SOX5: variants seen among roughly 807,000 people sequenced by gnomAD.
SOX5 encodes the protein SRY-box transcription factor 5, also known as transcription factor SOX-5.
In SOX5, 9 loss-of-function variants were observed where a neutral mutation model predicts 92.0. The ratio of observed to expected loss-of-function variants is 0.10; its 90% CI spans 0.06 to 0.17. The LOEUF (loss-of-function observed/expected upper bound fraction) is 0.17. Ranked by LOEUF, SOX5 falls within the 10% of genes least tolerant of loss-of-function variation. The probability of loss-of-function intolerance (pLI) is 1.00; values close to 1 mark genes in which losing one functional copy is unlikely to be tolerated. For synonymous variants in SOX5, 344 were observed against 336.3 expected (o/e 1.02, Z -0.25); for missense variants, 642 against 944.5 (o/e 0.68, Z 4.20).
At chr12:24,449,944 T>C (rs1440535641) in intron 1 of SOX5, among the ~76,000 whole-genome samples, 1 of 152,174 alleles carries the variant, frequency 6.6e-6, no homozygotes, top group Non-Finnish European at 1.5e-5. Flanking sequence ...GAAAGTATTA[T>C]CATCCATGAA....
chr12:24,560,072 A>G (rs1020911080), intron 1 of SOX5, among the ~76,000 whole-genome samples: 1 of 152,110 alleles, frequency 6.6e-6, no homozygotes, highest in Non-Finnish European at 1.5e-5. Context: ...GATCAATACT[A>G]CCCACTCAAA....
chr12:24,184,085 G>C (rs186240920), intron 4 of SOX5, among the ~76,000 whole-genome samples: 291 of 152,076 alleles, frequency 1.9e-3, no homozygotes, highest in Non-Finnish European at 2.6e-3. Context: ...TTTGATTCTG[G>C]TTTTTCAGTA....
In SOX5 at chr12:24,391,232, C is replaced by A. The variant is rs940281657; in HGVS notation, c.-250-22593G>T. 3.9e-5 allele frequency among the ~76,000 whole-genome samples: 6 copies of A among 152,066 alleles called. No individual in the cohort carries two copies. In the East Asian group the frequency reaches 7.7e-4, roughly 20 times the overall value. The stretch of plus-strand genomic sequence containing the variant: ...TGCTTGTATGTCTTCTTTTGAAAAA[C>A]GTTTCTTCATGTCCTTTACCCACTT... On this transcript the variant is annotated intron_variant, in intron 1 of 4. Transcript: ENST00000446891.
At chr12:23,764,317 T>G (rs1439066036) in intron 3 of SOX5, among the ~76,000 whole-genome samples, 1 of 152,098 alleles carries the variant, frequency 6.6e-6, no homozygotes, top group Non-Finnish European at 1.5e-5. Context: ...AAATAGTATT[T>G]TCTCAACTGT....
chr12:24,251,049 T>C (rs902000970), intron 3 of SOX5, among the ~76,000 whole-genome samples: 17 of 152,334 alleles, frequency 1.1e-4, no homozygotes, highest in African/African-American at 3.8e-4. Flanking sequence ...TTTCGTGGAG[T>C]TGGCAAATAT....
In SOX5 at chr12:23,554,014, G is replaced by C. The variant is rs1175663456; in HGVS notation, c.1489-7590C>G. 2.6e-5 allele frequency among the ~76,000 whole-genome samples: 4 copies of C among 152,010 alleles called. No homozygotes were observed. In the East Asian group the frequency reaches 7.7e-4, roughly 29 times the overall value. ...GGCTTGGTTCAGAAATGCTGGGTCT[G>C]ACAATAGAAACAGGCACATCAGGGT... On this transcript the variant is annotated intron_variant, in intron 11 of 14. Coordinates refer to ENST00000451604, the MANE Select transcript of SOX5 (RefSeq NM_006940.6).
intron 1 of SOX5, among the ~76,000 whole-genome samples, chr12:24,440,782 CAAGT>C (rs1394808895): frequency 1.3e-5 from 2 of 152,164 alleles, no homozygotes; most frequent in Non-Finnish European, 1.5e-5. Context: ...GGGAGACAAA[CAAGT>C]AAGATTTTTC....
intron 4 of SOX5, among the ~76,000 whole-genome samples, chr12:24,061,348 A>C (rs1484770800): frequency 1.3e-5 from 2 of 152,066 alleles, no homozygotes; most frequent in East Asian, 3.9e-4. Context: ...AGTCCCAATT[A>C]GCTTCTCTGG....
chr12:24,002,182 A>G (rs748098190), intron 4 of SOX5, among the ~76,000 whole-genome samples: 1 of 152,134 alleles, frequency 6.6e-6, no homozygotes, highest in Non-Finnish European at 1.5e-5. Context: ...AAGCAAGAAG[A>G]AGGCAGGAAA....
intron 4 of SOX5, among the ~76,000 whole-genome samples, chr12:24,169,032 T>C (rs1382593427): frequency 3.9e-5 from 6 of 152,068 alleles, no homozygotes. Flanking sequence ...ATTTCCTAAG[T>C]AGAAAAATCA....
At chr12:23,599,219 G>T (rs1158017961) in intron 9 of SOX5, among the ~76,000 whole-genome samples, 1 of 152,186 alleles carries the variant, frequency 6.6e-6, no homozygotes, top group Non-Finnish European at 1.5e-5. Flanking sequence ...TAACAATAAA[G>T]TTCCAGTTTT....
chr12:23,683,937 T>C lies in SOX5; in HGVS notation c.811-18373A>G, dbSNP rs148880977. Reference sequence around the variant, plus strand: ...AAATATTGAAGTTAACAAAGGAAGTTAGAAAAGATGAGACTGGGGATGGGA... The same window carrying C: ...AAATATTGAAGTTAACAAAGGAAGTCAGAAAAGATGAGACTGGGGATGGGA... On this transcript the variant is annotated intron_variant, in intron 6 of 14. Coordinates refer to ENST00000451604, the MANE Select transcript of SOX5 (RefSeq NM_006940.6). 7.4e-3 allele frequency among the ~76,000 whole-genome samples: 1,119 copies of C among 151,934 alleles called. 18 individuals carry two copies. The highest frequency in any genetic ancestry group is 0.043 in the Admixed American group (661 of 15,240).
intron 1 of SOX5, among the ~76,000 whole-genome samples, chr12:24,376,513 G>A (rs1957274220): frequency 6.6e-6 from 1 of 152,050 alleles, no homozygotes; most frequent in Non-Finnish European, 1.5e-5. Flanking sequence ...GCCAATCATG[G>A]TAGGAGAACT....
At chr12:24,253,064 A>G (rs75649715) in intron 3 of SOX5, among the ~76,000 whole-genome samples, 4,846 of 152,190 alleles carry the variant, frequency 0.032, 250 homozygotes, top group African/African-American at 0.11. Flanking sequence ...CAGCTAGGAA[A>G]CAAGAGATAC....
chr12:23,984,337 C>T (rs910822833), intron 4 of SOX5, among the ~76,000 whole-genome samples: 1 of 152,154 alleles, frequency 6.6e-6, no homozygotes, highest in Admixed American at 6.6e-5. Context: ...CAAAGCAGCA[C>T]TGGAGAAGCA....
chr12:24,097,237 TTTG>T (rs376600778), intron 4 of SOX5, among the ~76,000 whole-genome samples: 30 of 152,314 alleles, frequency 2.0e-4, no homozygotes, highest in African/African-American at 6.7e-4. Flanking sequence ...CTTTTGTCTT[TTTG>T]TTGTTGAGTT....
chr12:24,086,579 G>A (rs1052311400), intron 4 of SOX5, among the ~76,000 whole-genome samples: 4 of 151,830 alleles, frequency 2.6e-5, no homozygotes, highest in Non-Finnish European at 2.9e-5. Flanking sequence ...GTCAGAAGAA[G>A]AACATTTCAG....
intron 2 of SOX5, among the ~76,000 whole-genome samples, chr12:24,299,631 T>C (rs776204527): frequency 1.6e-4 from 25 of 152,202 alleles, no homozygotes; most frequent in Non-Finnish European, 2.6e-4. Flanking sequence ...ACTAGACAGT[T>C]TATGTGGTAG....
chr12:23,967,207 C>G (rs573983031), intron 4 of SOX5, among the ~76,000 whole-genome samples: 3 of 151,956 alleles, frequency 2.0e-5, no homozygotes, highest in Non-Finnish European at 4.4e-5. Context: ...TTTGAAAAGT[C>G]GACACTAGGT....
Sources: gnomAD v4.1 joint callset for allele counts (sites outside exome capture counted in the v4.1 genomes callset) on GRCh38, gnomAD v4.1.1 for gene constraint, MANE v1.5 for transcripts, NCBI Gene and HGNC (gene_info 2026-07-23, HGNC 2026-07-21) for gene names.